DLG2: variants seen among roughly 807,000 people sequenced by gnomAD.
DLG2 encodes discs large MAGUK scaffold protein 2.
Under a neutral mutation model 132.5 loss-of-function variants are expected in DLG2, and 45 were observed. That is an observed-to-expected ratio of 0.34 (90% confidence interval 0.27 to 0.44). The LOEUF (loss-of-function observed/expected upper bound fraction) is 0.44. Ranked by LOEUF, DLG2 falls within the 20% of genes least tolerant of loss-of-function variation. The probability of loss-of-function intolerance (pLI) is 1.00; values close to 1 mark genes in which losing one functional copy is unlikely to be tolerated. For missense variants in DLG2, 1,045 were observed against 1,196.9 expected, an observed-to-expected ratio of 0.87 and a Z score of 1.87; for synonymous variants, 424 against 419.6, an observed-to-expected ratio of 1.01 and a Z score of -0.13.
chr11:84,195,980 G>T (rs1362458555), intron 8 of DLG2, among the ~76,000 whole-genome samples: 1 of 152,160 alleles, frequency 6.6e-6, no homozygotes, highest in Admixed American at 6.5e-5. Flanking sequence ...CATGTTGGAT[G>T]AGGAAATAAA....
At chr11:84,593,172 T>A (rs574593570) in intron 6 of DLG2, among the ~76,000 whole-genome samples, 1 of 148,272 alleles carries the variant, frequency 6.7e-6, no homozygotes, top group African/African-American at 2.5e-5. Flanking sequence ...TGTGGAGAAA[T>A]AGGGACACTT....
At chr11:84,519,781 A>G (rs1286238934) in intron 7 of DLG2, among the ~76,000 whole-genome samples, 1 of 152,232 alleles carries the variant, frequency 6.6e-6, no homozygotes, top group Non-Finnish European at 1.5e-5. Context: ...ATAGTTTCTC[A>G]GAAATGAAAG....
At chr11:84,809,776 C>T (rs2076368487) in intron 6 of DLG2, among the ~76,000 whole-genome samples, 1 of 151,674 alleles carries the variant, frequency 6.6e-6, no homozygotes, top group Admixed American at 6.6e-5. Flanking sequence ...TATGAAAATA[C>T]AAAAGAACTA....
intron 14 of DLG2, among the ~76,000 whole-genome samples, chr11:83,938,053 G>C (rs539922742): frequency 1.3e-5 from 2 of 152,174 alleles, no homozygotes; most frequent in African/African-American, 2.4e-5. Context: ...CAGCAAAACA[G>C]AATAAAACAA....
chr11:85,290,502 C>T (rs967974440), intron 3 of DLG2, among the ~76,000 whole-genome samples: 2 of 151,554 alleles, frequency 1.3e-5, no homozygotes, highest in African/African-American at 2.4e-5. Flanking sequence ...CCTTTTGAGT[C>T]ACTGCAATCC....
chr11:85,584,372 GTGTGTGTGTA>G, intron 3 of DLG2, among the ~76,000 whole-genome samples: 1 of 140,156 alleles, frequency 7.1e-6, no homozygotes, highest in Non-Finnish European at 1.6e-5. Flanking sequence ...GTGTGTGTGT[GTGTGTGTGTA>G]TCACATTTTC....
intron 16 of DLG2, among the ~76,000 whole-genome samples, chr11:83,837,068 C>A (rs533697062): frequency 6.6e-6 from 1 of 152,154 alleles, no homozygotes; most frequent in Admixed American, 6.5e-5. Context: ...CCTTATTCTC[C>A]TTACCTTTGC....
chr11:83,601,581 G>A (rs962493307), intron 19 of DLG2, among the ~76,000 whole-genome samples: 26 of 133,592 alleles, frequency 1.9e-4, no homozygotes, highest in African/African-American at 7.3e-4. Flanking sequence ...GTGCGATCTC[G>A]GCTCAATGCA....
intron 15 of DLG2, among the ~76,000 whole-genome samples, chr11:83,882,014 A>C (rs2066403775): frequency 6.6e-6 from 1 of 152,164 alleles, no homozygotes; most frequent in South Asian, 2.1e-4. Flanking sequence ...CACTTAGTTC[A>C]CTTTTAATTC....
chr11:84,548,947 T>C (rs1459487860), intron 6 of DLG2, among the ~76,000 whole-genome samples: 2 of 152,214 alleles, frequency 1.3e-5, no homozygotes, highest in Non-Finnish European at 2.9e-5. Flanking sequence ...TGGAGCTACA[T>C]ATATTTCTTT....
intron 3 of DLG2, among the ~76,000 whole-genome samples, chr11:85,306,079 A>G (rs1260202903): frequency 2.0e-5 from 3 of 152,198 alleles, no homozygotes; most frequent in Non-Finnish European, 4.4e-5. Context: ...CTTCTCACAT[A>G]AAATACAGAA....
intron 11 of DLG2, among the ~76,000 whole-genome samples, chr11:84,050,304 G>C (rs1229647088): frequency 2.0e-5 from 3 of 151,828 alleles, no homozygotes; most frequent in African/African-American, 7.3e-5. Context: ...ATGTCGACAG[G>C]CTGCATAAAT....
intron 8 of DLG2, among the ~76,000 whole-genome samples, chr11:84,179,844 G>C (rs140566862): frequency 6.6e-6 from 1 of 152,096 alleles, no homozygotes; most frequent in East Asian, 1.9e-4. Flanking sequence ...GGGGACAACA[G>C]AGAAGCACTG....
At chr11:84,571,489 C>G (rs1565334347) in intron 6 of DLG2, among the ~76,000 whole-genome samples, 1 of 152,020 alleles carries the variant, frequency 6.6e-6, no homozygotes, top group African/African-American at 2.4e-5. Context: ...TATGAAGAGA[C>G]TAATGCCATG....
intron 6 of DLG2, among the ~76,000 whole-genome samples, chr11:84,547,649 C>T (rs1268966572): frequency 6.6e-6 from 1 of 152,126 alleles, no homozygotes; most frequent in Non-Finnish European, 1.5e-5. Flanking sequence ...AGATGCTTTC[C>T]CTAGACATCC....
chr11:83,962,603 C>G (rs11233864), intron 14 of DLG2, among the ~76,000 whole-genome samples: 22,612 of 152,096 alleles, frequency 0.15, 2,211 homozygotes, highest in African/African-American at 0.27. Flanking sequence ...TTACCTTACA[C>G]TATGGCTGTA....
Position 85,532,440 on chromosome 11 carries a change from A to G in DLG2, c.40+66217T>C, listed in dbSNP as rs189895258. Among the ~76,000 whole-genome samples, 21 of 152,340 alleles carry G rather than the reference A, an allele frequency of 1.4e-4. 1 individual carries two copies. Among genetic ancestry groups the G allele is most frequent in the African/African-American group, 4.1e-4 (17 of 41,582 alleles). Reference sequence around the variant, plus strand: ...CACAGATCACCTGCTGCTATCCTCTATACTTCCTTGTAGAAATACTGATTC... The same window carrying G: ...CACAGATCACCTGCTGCTATCCTCTGTACTTCCTTGTAGAAATACTGATTC... On this transcript the variant is annotated intron_variant, in intron 3 of 27. Coordinates refer to ENST00000376104, the MANE Select transcript of DLG2 (RefSeq NM_001142699.3).
chr11:85,279,134 T>A (rs1306939568), intron 4 of DLG2, among the ~76,000 whole-genome samples: 3 of 152,128 alleles, frequency 2.0e-5, no homozygotes, highest in African/African-American at 7.2e-5. Flanking sequence ...AAATAGTTAA[T>A]ATCCAGGTCA....
intron 6 of DLG2, among the ~76,000 whole-genome samples, chr11:84,699,754 G>C (rs1406014223): frequency 6.6e-6 from 1 of 151,470 alleles, no homozygotes; most frequent in East Asian, 1.9e-4. Flanking sequence ...AACTCTAAAG[G>C]ACTCTTTTCT....
Sources: allele counts gnomAD v4.1 joint callset (sites outside exome capture counted in the v4.1 genomes callset), GRCh38; gene constraint gnomAD v4.1.1; transcripts MANE v1.5; gene names NCBI Gene and HGNC (gene_info 2026-07-23, HGNC 2026-07-21).